Variants in CSMD3 observed in about 807,000 individuals in gnomAD.
CSMD3 encodes CUB and Sushi multiple domains 3, also known as CUB and sushi domain-containing protein 3.
In CSMD3, 177 loss-of-function variants were observed where a neutral mutation model predicts 435.2. The ratio of observed to expected loss-of-function variants is 0.41; its 90% CI spans 0.36 to 0.46. The LOEUF (loss-of-function observed/expected upper bound fraction) is 0.46, where lower values mean the gene tolerates loss of function less well. Ranked by LOEUF, CSMD3 falls within the 20% of genes least tolerant of loss-of-function variation. The probability of loss-of-function intolerance (pLI) is 0.34; values close to 1 mark genes in which losing one functional copy is unlikely to be tolerated. For synonymous variants in CSMD3, 1,656 were observed against 1,520.5 expected (o/e 1.09, Z -2.07); for missense variants, 4,265 against 4,504.6 (o/e 0.95, Z 1.52).
At chr8:112,405,498 T>C (rs1392335591) in intron 35 of CSMD3, among the ~76,000 whole-genome samples, 1 of 151,330 alleles carries the variant, frequency 6.6e-6, no homozygotes, top group Non-Finnish European at 1.5e-5. Flanking sequence ...AGCGTCATTA[T>C]AATTACCCTG....
chr8:112,256,297 C>T (rs1447189577), intron 61 of CSMD3, among the ~76,000 whole-genome samples: 1 of 143,166 alleles, frequency 7.0e-6, no homozygotes, highest in Non-Finnish European at 1.6e-5. Flanking sequence ...TGGTAAGTCC[C>T]GTGGGAAAAA....
At chr8:113,253,505 C>A (rs1042395049) in intron 3 of CSMD3, among the ~76,000 whole-genome samples, 9 of 149,488 alleles carry the variant, frequency 6.0e-5, no homozygotes, top group Non-Finnish European at 1.5e-5. Context: ...GCCAATTTTT[C>A]TTTCTGCTAT....
intron 59 of CSMD3, among the ~76,000 whole-genome samples, chr8:112,277,875 G>T (rs1818230467): frequency 6.6e-6 from 1 of 152,052 alleles, no homozygotes; most frequent in African/African-American, 2.4e-5. Flanking sequence ...CAGTATGGGG[G>T]AAACTGCCCC....
intron 4 of CSMD3, among the ~76,000 whole-genome samples, chr8:113,134,806 G>C (rs915946295): frequency 5.9e-5 from 9 of 151,976 alleles, no homozygotes; most frequent in African/African-American, 1.9e-4. Context: ...TTTAACTCAT[G>C]ATTCTGGTAG....
chr8:113,376,884 T>C (rs937903436), intron 1 of CSMD3: 1 of 1,607,144 alleles, frequency 6.2e-7, no homozygotes, highest in Admixed American at 1.7e-5. Flanking sequence ...AGATGAAGCT[T>C]CCTGGCCGGG....
chr8:113,377,025 G>T, intron 1 of CSMD3: 1 of 1,309,012 alleles, frequency 7.6e-7, no homozygotes, highest in South Asian at 1.4e-5. Context: ...GAGTGGGGTG[G>T]GGTGGGGGTG....
intron 67 of CSMD3, 139 bp downstream of exon 67, chr8:112,237,051 T>A (rs2129984245): frequency 1.1e-6 from 1 of 901,236 alleles, no homozygotes; most frequent in South Asian, 1.5e-5. Context: ...ACCTTGGTTC[T>A]GAGTGAATAT....
intron 1 of CSMD3, among the ~76,000 whole-genome samples, chr8:113,341,561 T>C (rs2094118868): frequency 6.6e-6 from 1 of 152,094 alleles, no homozygotes; most frequent in Non-Finnish European, 1.5e-5. Context: ...CAGGAACCCA[T>C]AAACAAGTAG....
intron 12 of CSMD3, among the ~76,000 whole-genome samples, chr8:112,807,514 AGGTAGGTAGGTAGGTAGGTAGGT>A (rs1292545424): frequency 1.3e-5 from 2 of 148,538 alleles, no homozygotes; most frequent in East Asian, 3.9e-4. Flanking sequence ...GTAGGTAGGT[AGGTAGGTAGGTAGGTAGGTAGGT>A]AGGAAATACA....
At chr8:112,410,604 G>GTATA (rs369175036) in intron 32 of CSMD3, among the ~76,000 whole-genome samples, 3 of 39,520 alleles carry the variant, frequency 7.6e-5, no homozygotes, top group Admixed American at 2.4e-4. Context: ...ATATATATGT[G>GTATA]TATATATATA....
intron 27 of CSMD3, among the ~76,000 whole-genome samples, chr8:112,520,632 T>G (rs1204964649): frequency 6.6e-6 from 1 of 152,044 alleles, no homozygotes; most frequent in Non-Finnish European, 1.5e-5. Context: ...ACATTTTTAC[T>G]ATAATGGAAA....
chr8:112,714,349 A>T (rs1374616371), intron 13 of CSMD3, among the ~76,000 whole-genome samples: 1 of 152,222 alleles, frequency 6.6e-6, no homozygotes, highest in East Asian at 1.9e-4. Flanking sequence ...ATAATGGTAA[A>T]GGGATCAATT....
intron 5 of CSMD3, among the ~76,000 whole-genome samples, chr8:113,062,064 A>G (rs1433078181): frequency 6.6e-6 from 1 of 151,732 alleles, no homozygotes; most frequent in Non-Finnish European, 1.5e-5. Flanking sequence ...TTACTTTTCT[A>G]TTATTTTCTA....
chr8:112,263,137 TA>T (rs58022386), intron 61 of CSMD3, among the ~76,000 whole-genome samples: 26,961 of 137,842 alleles, frequency 0.2, 5,589 homozygotes, highest in African/African-American at 0.53. Context: ...GCAACCTCTG[TA>T]AAAAAAAAAA....
At chr8:112,727,716 GGATT>G (rs924329611) in intron 13 of CSMD3, among the ~76,000 whole-genome samples, 2 of 151,534 alleles carry the variant, frequency 1.3e-5, no homozygotes, top group African/African-American at 4.8e-5. Flanking sequence ...CTGTGATCTA[GGATT>G]GATTATTGAT....
intron 10 of CSMD3, among the ~76,000 whole-genome samples, chr8:112,868,626 C>A (rs1281171210): frequency 1.3e-5 from 2 of 151,984 alleles, no homozygotes; most frequent in East Asian, 3.9e-4. Context: ...TGCAAAGCTA[C>A]AGTAATCATA....
intron 7 of CSMD3, among the ~76,000 whole-genome samples, chr8:112,958,742 C>G (rs1484444342): frequency 6.6e-6 from 1 of 151,918 alleles, no homozygotes; most frequent in East Asian, 1.9e-4. Flanking sequence ...ATTTTGTTTC[C>G]AATATCAACT....
chr8:112,822,978 T>C (rs1485037994), intron 12 of CSMD3, among the ~76,000 whole-genome samples: 1 of 152,218 alleles, frequency 6.6e-6, no homozygotes, highest in Non-Finnish European at 1.5e-5. Context: ...ATCCCGGGGA[T>C]GAAGCTGACT....
At chr8:112,959,642 G>A (rs1339545414) in intron 7 of CSMD3, among the ~76,000 whole-genome samples, 1 of 151,392 alleles carries the variant, frequency 6.6e-6, no homozygotes, top group Non-Finnish European at 1.5e-5. Context: ...TTTTTATTTT[G>A]AATTTATTAA....
Sources: allele counts gnomAD v4.1 joint callset (sites outside exome capture counted in the v4.1 genomes callset), GRCh38; gene constraint gnomAD v4.1.1; transcripts MANE v1.5; gene names NCBI Gene and HGNC (gene_info 2026-07-23, HGNC 2026-07-21).